HSP90AA1: variants seen among roughly 807,000 people sequenced by gnomAD.
HSP90AA1 encodes heat shock protein 90 alpha family class A member 1, also known as heat shock protein HSP 90-alpha.
In HSP90AA1, 18 loss-of-function variants were observed where a neutral mutation model predicts 73.3. That is an observed-to-expected ratio of 0.25 (90% confidence interval 0.17 to 0.36). The LOEUF is 0.36. HSP90AA1 is among the 10% of genes least tolerant of loss of function. The pLI is 1.00. For missense variants in HSP90AA1, 704 were observed against 874.2 expected, an observed-to-expected ratio of 0.81 and a Z score of 2.45; for synonymous variants, 477 against 296.9, an observed-to-expected ratio of 1.61 and a Z score of -6.24.
chr14:102,117,032 G>T (rs112441321), intron 1 of HSP90AA1, among the ~76,000 whole-genome samples: 1 of 151,882 alleles, frequency 6.6e-6, no homozygotes, highest in Non-Finnish European at 1.5e-5. Flanking sequence ...TGGGGGTTGA[G>T]CCTGGGCGCT....
At chr14:102,132,193 C>G (rs796760706) in intron 1 of HSP90AA1, among the ~76,000 whole-genome samples, 20 of 152,206 alleles carry the variant, frequency 1.3e-4, no homozygotes, top group African/African-American at 9.6e-5. Flanking sequence ...ATGGTGAAAC[C>G]CCATCTCTAC....
intron 1 of HSP90AA1, among the ~76,000 whole-genome samples, chr14:102,109,462 T>C (rs1377367427): frequency 1.3e-5 from 2 of 152,072 alleles, no homozygotes; most frequent in East Asian, 1.9e-4. Context: ...GCTCACAAGA[T>C]CTGATGGTTT....
At position 102,128,493 on chromosome 14, in the gene HSP90AA1, G is replaced by A. The variant is rs955974164; in HGVS notation, c.155+10757C>T. On this transcript the variant is annotated intron_variant, in intron 1 of 11. Coordinates refer to the HSP90AA1 transcript ENST00000334701. ...AAACACAAAAAATTAGCTGGGCATGGTGGCGGGCGCCTGTAATCCCAGCTA... is the reference window on the plus strand; with the variant it reads ...AAACACAAAAAATTAGCTGGGCATGATGGCGGGCGCCTGTAATCCCAGCTA... Among the ~76,000 whole-genome samples the A allele has an allele frequency of 3.3e-5, 5 of 152,212 alleles. No homozygotes were observed. The East Asian group carries it at 7.7e-4, about 24-fold the overall frequency.
Position 102,101,681 on chromosome 14 carries a change from C to G in HSP90AA1, c.366+194G>C, listed in dbSNP as rs35862961. ...GCACTCCAGGCAGGGACCTGGGACT[C>G]TCTTGGACATTGCCTGGGCCTGTAG... On this transcript the variant is annotated intron_variant, in intron 2 of 11. Transcript: ENST00000334701. 6.1e-3 allele frequency among the ~76,000 whole-genome samples: 926 copies of G among 152,322 alleles called. 10 individuals are homozygous for G. Among genetic ancestry groups the G allele is most frequent in the African/African-American group, 0.021 (884 of 41,568 alleles).
At chr14:102,100,529 G>A (rs778694268) in intron 2 of HSP90AA1, among the ~76,000 whole-genome samples, 5 of 151,750 alleles carry the variant, frequency 3.3e-5, no homozygotes, top group Admixed American at 6.6e-5. Flanking sequence ...GGGTTCAAGC[G>A]GTTCTCCTGC....
At chr14:102,125,237 G>A (rs533581850) in intron 1 of HSP90AA1, among the ~76,000 whole-genome samples, 8 of 152,002 alleles carry the variant, frequency 5.3e-5, no homozygotes, top group South Asian at 2.1e-4. Context: ...GAAGTGATCC[G>A]ACTGCCTCAG....
At chr14:102,082,476 G>C (rs769042665) in intron 9 of HSP90AA1, 32 bp from the exon 10 acceptor site, 1 of 1,539,778 alleles carries the variant, frequency 6.5e-7, no homozygotes, top group South Asian at 1.1e-5. Flanking sequence ...TAGGAACCTA[G>C]AAAGATTAAT....
At chr14:102,134,369 T>G (rs2049952626) in intron 1 of HSP90AA1, among the ~76,000 whole-genome samples, 2 of 146,434 alleles carry the variant, frequency 1.4e-5, no homozygotes, top group Middle Eastern at 3.5e-3. Flanking sequence ...AACGTTAGAC[T>G]GGAATGGAGA....
chr14:102,115,391 G>T (rs557223367), intron 1 of HSP90AA1, among the ~76,000 whole-genome samples: 3 of 152,216 alleles, frequency 2.0e-5, no homozygotes, highest in Admixed American at 6.5e-5. Flanking sequence ...AGGAATCTAG[G>T]AATCTAGATT....
chr14:102,131,176 C>A (rs992041231), intron 1 of HSP90AA1, among the ~76,000 whole-genome samples: 3 of 152,216 alleles, frequency 2.0e-5, no homozygotes, highest in African/African-American at 7.2e-5. Context: ...AATTCCTGAT[C>A]TTCCTTTCAA....
chr14:102,117,510 G>A lies in HSP90AA1; in HGVS notation c.156-15425C>T, dbSNP rs538007292. ...CACGCTAGGAGCTAAACACTCCTCG[G>A]GATGACCTGCTTAGCAGAGAGGAGC... On this transcript the variant is annotated intron_variant, in intron 1 of 11. Coordinates refer to the HSP90AA1 transcript ENST00000334701. 2.6e-5 allele frequency among the ~76,000 whole-genome samples: 4 copies of A among 151,450 alleles called. No individual in the cohort carries two copies. In the East Asian group the frequency reaches 5.8e-4, roughly 22 times the overall value.
chr14:102,110,586 A>AT (rs1220233995), intron 1 of HSP90AA1, among the ~76,000 whole-genome samples: 2,046 of 140,756 alleles, frequency 0.015, 40 homozygotes, highest in East Asian at 0.056. Flanking sequence ...TGCCCGGATA[A>AT]TTTTTTTTTT....
At chr14:102,095,627 G>A (rs186347288) in intron 2 of HSP90AA1, among the ~76,000 whole-genome samples, 7 of 152,286 alleles carry the variant, frequency 4.6e-5, no homozygotes, top group Admixed American at 4.6e-4. Flanking sequence ...CAGGGGTCCT[G>A]GACACGAATT....
At chr14:102,099,853 G>A (rs2049471184) in intron 2 of HSP90AA1, among the ~76,000 whole-genome samples, 1 of 151,552 alleles carries the variant, frequency 6.6e-6, no homozygotes, top group African/African-American at 2.4e-5. Flanking sequence ...TGTCATTAGT[G>A]GTATCTCTTC....
In HSP90AA1 at chr14:102,081,549, C is replaced by CACTTAGTAG. The variant is rs538999062; in HGVS notation, c.*162_*163insCTACTAAGT. On this transcript the variant is annotated 3_prime_UTR_variant, in exon 11 of 11. Transcript: ENST00000216281. ...AGCTCTGCTTTAGTGCCTAAGGTAT[C>CACTTAGTAG]ACAGCATCACTTAGTAGACAGAAAT... The CACTTAGTAG allele has an allele frequency of 6.3e-6, 4 of 635,604 alleles. No homozygotes were observed. The highest frequency in any genetic ancestry group is 1.1e-5 in the Non-Finnish European group (4 of 355,536). The allele number at this position is 635,604 out of a possible 1,614,324, so 39.4% of individuals were successfully genotyped here.
At chr14:102,116,661 G>C (rs2152623181) in intron 1 of HSP90AA1, among the ~76,000 whole-genome samples, 1 of 152,340 alleles carries the variant, frequency 6.6e-6, no homozygotes, top group Admixed American at 6.5e-5. Flanking sequence ...GGAGGAGGTA[G>C]AGCTGTGCCT....
chr14:102,086,208 G>A lies in HSP90AA1; in HGVS notation c.162+9C>T, dbSNP rs767705067. On this transcript the variant is annotated intron_variant, in intron 2 of 10. Coordinates refer to ENST00000216281, the MANE Select transcript of HSP90AA1 (RefSeq NM_005348.4). Reference sequence around the variant, plus strand: ...CCAAAATCCGATTCTGGGTTAATAAGTGACTTACATCTGATGAATTTGAAA... The same window carrying A: ...CCAAAATCCGATTCTGGGTTAATAAATGACTTACATCTGATGAATTTGAAA... The A allele has an allele frequency of 1.1e-5, 17 of 1,614,044 alleles. No homozygotes were observed. The highest frequency in any genetic ancestry group is 1.3e-5 in the African/African-American group (1 of 74,918).
exon 2 of HSP90AA1, chr14:102,102,067 C>A (rs1481724479): frequency 6.2e-7 from 1 of 1,613,854 alleles, no homozygotes; most frequent in Non-Finnish European, 8.5e-7. Flanking sequence ...TTTCTTGGTA[C>A]CAGTTAACAG....
chr14:102,117,532 G>A lies in HSP90AA1; in HGVS notation c.156-15447C>T, dbSNP rs76300696. Among the ~76,000 whole-genome samples the A allele has an allele frequency of 2.6e-5, 4 of 152,072 alleles. No individual in the cohort carries two copies. In the East Asian group the frequency reaches 7.8e-4, roughly 30 times the overall value. On this transcript the variant is annotated intron_variant, in intron 1 of 11. Coordinates refer to the HSP90AA1 transcript ENST00000334701. The stretch of plus-strand genomic sequence containing the variant: ...TCGGGATGACCTGCTTAGCAGAGAG[G>A]AGCTACCCTCTTTGCTAGGAGCTGA...
Sources: gnomAD v4.1 joint callset for allele counts (sites outside exome capture counted in the v4.1 genomes callset) on GRCh38, gnomAD v4.1.1 for gene constraint, MANE v1.5 for transcripts, NCBI Gene and HGNC (gene_info 2026-07-23, HGNC 2026-07-21) for gene names.